The following PHKB variants were observed in gnomAD, a reference collection of about 807,000 sequenced individuals.
PHKB encodes the protein phosphorylase kinase regulatory subunit beta, also known as phosphorylase b kinase regulatory subunit beta.
PHKB carries 122 observed loss-of-function variants against 152.1 expected under a neutral mutation model. That is an observed-to-expected ratio of 0.80 (90% CI 0.69 to 0.93). The LOEUF is 0.93. Ranked by LOEUF, PHKB falls within the 40% of genes least tolerant of loss-of-function variation. PHKB has a pLI of 0.00. For missense variants in PHKB, 1,304 were observed against 1,328.4 expected (o/e 0.98, Z 0.29); for synonymous variants, 436 against 464.9 (o/e 0.94, Z 0.80).
intron 23 of PHKB, 28 bp from the exon 24 acceptor site, chr16:47,663,649 A>C: frequency 1.3e-6 from 2 of 1,597,740 alleles, no homozygotes; most frequent in Non-Finnish European, 1.7e-6. Context: ...AGCTTTGTTC[A>C]ACAAAGACTC....
chr16:47,498,198 T>C (rs1970265383), intron 2 of PHKB, among the ~76,000 whole-genome samples: 1 of 152,220 alleles, frequency 6.6e-6, no homozygotes, highest in African/African-American at 2.4e-5. Flanking sequence ...TCAATCTTAC[T>C]TCTTTTGGTC....
intron 6 of PHKB, among the ~76,000 whole-genome samples, chr16:47,537,915 G>A (rs1048094351): frequency 1.3e-5 from 2 of 149,424 alleles, no homozygotes; most frequent in African/African-American, 5.1e-5. Flanking sequence ...TTTAAGTTGA[G>A]GCAAGGTCTC....
chr16:47,674,523 T>A (rs1445153232), intron 26 of PHKB, among the ~76,000 whole-genome samples: 1 of 152,210 alleles, frequency 6.6e-6, no homozygotes, highest in Non-Finnish European at 1.5e-5. Flanking sequence ...CAGAGCCTCA[T>A]TATGTTAACC....
At chr16:47,471,372 T>C (rs976812962) in intron 1 of PHKB, among the ~76,000 whole-genome samples, 9 of 151,950 alleles carry the variant, frequency 5.9e-5, no homozygotes, top group African/African-American at 2.2e-4. Flanking sequence ...GAAGGGAAGG[T>C]GAAAATTTGA....
At chr16:47,522,384 A>C (rs1970699093) in intron 6 of PHKB, among the ~76,000 whole-genome samples, 1 of 151,868 alleles carries the variant, frequency 6.6e-6, no homozygotes, top group South Asian at 2.1e-4. Flanking sequence ...GATTGATGTT[A>C]ATGTCCCTTA....
chr16:47,517,940 A>G (rs1245197885), intron 6 of PHKB, among the ~76,000 whole-genome samples: 2 of 152,196 alleles, frequency 1.3e-5, no homozygotes, highest in Non-Finnish European at 2.9e-5. Flanking sequence ...GTGTTGGATC[A>G]TATGGAGAGG....
At chr16:47,670,436 T>C (rs560438427) in intron 26 of PHKB, among the ~76,000 whole-genome samples, 1 of 152,338 alleles carries the variant, frequency 6.6e-6, no homozygotes, top group East Asian at 1.9e-4. Flanking sequence ...ATTATAATTG[T>C]GGTTGTATCA....
intron 6 of PHKB, among the ~76,000 whole-genome samples, chr16:47,526,682 G>A (rs1182473340): frequency 6.6e-6 from 1 of 152,022 alleles, no homozygotes; most frequent in Non-Finnish European, 1.5e-5. Context: ...AAATGAAAAT[G>A]GAAATTGAGA....
intron 10 of PHKB, among the ~76,000 whole-genome samples, chr16:47,593,235 G>A (rs1597109526): frequency 6.7e-6 from 1 of 149,434 alleles, no homozygotes; most frequent in South Asian, 2.2e-4. Flanking sequence ...GAAGGAGGGA[G>A]GGAGGGAGGG....
At chr16:47,519,494 G>A (rs745722132) in intron 6 of PHKB, among the ~76,000 whole-genome samples, 7 of 152,156 alleles carry the variant, frequency 4.6e-5, no homozygotes, top group Non-Finnish European at 8.8e-5. Context: ...TTCTGAGATG[G>A]CTCAGTCATA....
intron 1 of PHKB, chr16:47,463,743 A>G (rs899482746): frequency 1.3e-5 from 8 of 605,538 alleles, no homozygotes; most frequent in Non-Finnish European, 2.4e-5. Context: ...AGAAAATCAC[A>G]TTTTCAAGTC....
chr16:47,693,546 C>T (rs201903490), intron 28 of PHKB, 39 bp downstream of exon 28: 243 of 1,609,186 alleles, frequency 1.5e-4, no homozygotes, highest in Admixed American at 9.2e-4. Flanking sequence ...AAGGAGACTT[C>T]GCAAAGGGTA....
chr16:47,582,547 A>G (rs896934733), intron 8 of PHKB, among the ~76,000 whole-genome samples: 9 of 152,190 alleles, frequency 5.9e-5, no homozygotes, highest in African/African-American at 2.2e-4. Context: ...AAATACTCAT[A>G]TATGAGCTCT....
At chr16:47,669,481 C>A in intron 26 of PHKB, 64 bp downstream of exon 26, 1 of 1,427,016 alleles carries the variant, frequency 7.0e-7, no homozygotes, top group Non-Finnish European at 9.9e-7. Flanking sequence ...ACAGACCCGG[C>A]CTCTCCAAGT....
At chr16:47,542,822 A>C (rs989811264) in intron 6 of PHKB, among the ~76,000 whole-genome samples, 6 of 152,138 alleles carry the variant, frequency 3.9e-5, no homozygotes, top group African/African-American at 1.4e-4. Context: ...GGTGTATAAG[A>C]ATGCTTGTGA....
chr16:47,699,179 C>A (rs376999511), intron 30 of PHKB, 50 bp from the exon 31 acceptor site: 17 of 1,596,118 alleles, frequency 1.1e-5, no homozygotes, highest in Non-Finnish European at 1.5e-5. Flanking sequence ...TACCTGTCAA[C>A]TCTTTACAAA....
chr16:47,675,212 C>G (rs1420901415), intron 26 of PHKB, among the ~76,000 whole-genome samples: 1 of 152,170 alleles, frequency 6.6e-6, no homozygotes, highest in Non-Finnish European at 1.5e-5. Flanking sequence ...GTGAGTGACG[C>G]AGAGTTCATG....
Position 47,573,498 on chromosome 16 carries a change from G to A in PHKB, c.711-6797G>A, listed in dbSNP as rs576463551. Among the ~76,000 whole-genome samples, 10 of 152,316 alleles carry A rather than the reference G, an allele frequency of 6.6e-5. No individual in the cohort carries two copies. The South Asian group carries it at 1.5e-3, about 22-fold the overall frequency. On this transcript the variant is annotated intron_variant, in intron 7 of 30. Transcript: ENST00000323584. Reference sequence around the variant, plus strand: ...CTCAGGGAGGGGAGAGGGGTAACAGGCAGCAGTGAGACCCACCCAGCTCTC... The same window carrying A: ...CTCAGGGAGGGGAGAGGGGTAACAGACAGCAGTGAGACCCACCCAGCTCTC...
At chr16:47,656,937 G>A (rs1199112919) in intron 20 of PHKB, among the ~76,000 whole-genome samples, 4 of 152,106 alleles carry the variant, frequency 2.6e-5, no homozygotes, top group African/African-American at 7.2e-5. Flanking sequence ...AAATGTAATT[G>A]GAGATTTTTC....
Sources: allele counts gnomAD v4.1 joint callset (sites outside exome capture counted in the v4.1 genomes callset), GRCh38; gene constraint gnomAD v4.1.1; transcripts MANE v1.5; gene names NCBI Gene and HGNC (gene_info 2026-07-23, HGNC 2026-07-21).